NCAPD3: variants seen among roughly 807,000 people sequenced by gnomAD.
The protein encoded by NCAPD3 is non-SMC condensin II complex subunit D3.
NCAPD3 carries 105 observed loss-of-function variants against 182.9 expected under a neutral mutation model. The observed-to-expected ratio is 0.57, with a 90% CI of 0.49 to 0.68. The LOEUF is 0.68. Ranked by LOEUF, NCAPD3 falls within the 30% of genes least tolerant of loss-of-function variation. NCAPD3 has a pLI of 0.00. For missense variants in NCAPD3, 1,944 were observed against 1,837.0 expected, an observed-to-expected ratio of 1.06 and a Z score of -1.07; for synonymous variants, 815 against 679.9, an observed-to-expected ratio of 1.20 and a Z score of -3.09.
intron 24 of NCAPD3, among the ~76,000 whole-genome samples, chr11:134,172,918 A>G (rs548541416): frequency 1.4e-5 from 2 of 139,728 alleles, no homozygotes; most frequent in Admixed American, 1.6e-4. Context: ...CATGAACTTG[A>G]TTGAGCCCTG....
At chr11:134,168,308 G>C (rs1943918991) in intron 26 of NCAPD3, 113 bp from the exon 27 acceptor site, 4 of 1,443,496 alleles carry the variant, frequency 2.8e-6, no homozygotes, top group East Asian at 2.3e-5. Flanking sequence ...GGGTCTGCAA[G>C]GGTGTTTTGT....
Position 134,192,710 on chromosome 11 carries a change from G to T in NCAPD3, c.2024C>A (p.Thr675Asn). ...CTACCTCAGTTCCTGGCTTTCGGTG[G>T]TGAGGAGAGTAAGAAGCGCCCAGGC... ...VLAWALLTLL[T>N]TESQELSRYL... is the part of the protein sequence containing the mutation. Residue 675 changes from threonine to asparagine, a missense_variant, in exon 16 of 35, where the codon ACC (threonine) becomes AAC (asparagine). This residue lies in a region of NCAPD3 where 1,803 missense variants were observed against 1,674.6 expected (regional missense o/e 1.08). Coordinates refer to ENST00000534548, the MANE Select transcript of NCAPD3 (RefSeq NM_015261.3). 2 of 1,614,176 alleles carry T rather than the reference G, an allele frequency of 1.2e-6. No individual in the cohort carries two copies. Among genetic ancestry groups the T allele is most frequent in the Non-Finnish European group, 1.7e-6 (2 of 1,179,976 alleles).
intron 32 of NCAPD3, chr11:134,153,585 G>A (rs1591816063): frequency 3.4e-6 from 2 of 581,826 alleles, no homozygotes; most frequent in Non-Finnish European, 6.1e-6. Context: ...GCAGCCCTCA[G>A]GCACTCGGCT....
chr11:134,168,986 A>G lies in NCAPD3; in HGVS notation c.3170T>C (p.Ile1057Thr). The G allele has an allele frequency of 6.2e-7, 1 of 1,614,008 alleles. No homozygotes were observed. Among genetic ancestry groups the G allele is most frequent in the South Asian group, 1.1e-5 (1 of 91,068 alleles). The change falls in exon 25 of 35, where the codon ATT becomes ACT. Residue 1057 changes from isoleucine (I) to threonine (T), a missense_variant. Around this residue, in one of 3 missense-constraint regions of NCAPD3, gnomAD observed 1,803 missense variants for 1,674.6 expected, o/e 1.08. Coordinates refer to ENST00000534548, the MANE Select transcript of NCAPD3 (RefSeq NM_015261.3). ...GTTATTAAAGTGAAAAATACATTCA[A>G]TGAAGTGTTGGAAGAACATGACAGG... The part of the protein sequence containing the change: ...RNPVMFFQHF[I>T]ECIFHFNNYE...
chr11:134,173,777 G>C (rs1036119000), intron 24 of NCAPD3: 1 of 152,284 alleles, frequency 6.6e-6, no homozygotes, highest in African/African-American at 2.4e-5. Context: ...GGGGACTACA[G>C]GCTGGGCTCA....
intron 31 of NCAPD3, among the ~76,000 whole-genome samples, 155 bp downstream of exon 31, chr11:134,157,773 G>A (rs931193888): frequency 6.6e-6 from 1 of 152,192 alleles, no homozygotes; most frequent in Non-Finnish European, 1.5e-5. Flanking sequence ...GAATAAATAT[G>A]CATTGTTTTA....
In NCAPD3 at chr11:134,154,912, G is replaced by A. The variant is rs183954100; in HGVS notation, c.4253-1549C>T. Among the ~76,000 whole-genome samples, 7 of 152,292 alleles carry A rather than the reference G, an allele frequency of 4.6e-5. No individual in the cohort carries two copies. In the East Asian group the frequency reaches 1.4e-3, roughly 29 times the overall value. On this transcript the variant is annotated intron_variant, in intron 32 of 34. Coordinates refer to ENST00000534548, the MANE Select transcript of NCAPD3 (RefSeq NM_015261.3). ...AGAATTCCTCATCACTGCTAGATCT[G>A]CTTATTCTGTTTCGGTGAAGTCTCT...
chr11:134,200,848 C>T (rs1175838541), intron 13 of NCAPD3, among the ~76,000 whole-genome samples: 1 of 152,108 alleles, frequency 6.6e-6, no homozygotes, highest in Non-Finnish European at 1.5e-5. Flanking sequence ...CTGATGAATG[C>T]ATAAACAAAA....
chr11:134,224,175 G>T (rs944532367), upstream of NCAPD3: 3 of 590,248 alleles, frequency 5.1e-6, no homozygotes, highest in African/African-American at 3.8e-5. Context: ...CGTTCGAGAA[G>T]GAGCCAGGGC....
Position 134,157,069 on chromosome 11 carries a change from A to C in NCAPD3, c.4201T>G (p.Ser1401Ala), listed in dbSNP as rs1230560074. The C allele has an allele frequency of 1.1e-5, 17 of 1,613,186 alleles. No individual in the cohort carries two copies. Among genetic ancestry groups the C allele is most frequent in the Non-Finnish European group, 1.4e-5 (17 of 1,179,642 alleles). Residue 1401 changes from serine to alanine, a missense_variant, in exon 32 of 35, where the codon TCG becomes GCG. This residue lies in a region of NCAPD3 where 1,803 missense variants were observed against 1,674.6 expected (regional missense o/e 1.08). Coordinates refer to ENST00000534548, the MANE Select transcript of NCAPD3 (RefSeq NM_015261.3). Reference protein sequence around the residue: ...QVSSYSLEQESNGEIEHVTKR... With the variant: ...QVSSYSLEQEANGEIEHVTKR... ...GTCACGTGCTCAATCTCGCCATTCGACTCTTGCTCCAAACTGTATGAAGAC... is the reference window on the plus strand; with the variant it reads ...GTCACGTGCTCAATCTCGCCATTCGCCTCTTGCTCCAAACTGTATGAAGAC...
intron 22 of NCAPD3, chr11:134,177,773 C>A: frequency 2.9e-6 from 1 of 342,728 alleles, no homozygotes; most frequent in Non-Finnish European, 5.4e-6. Context: ...ATCAGCAAAG[C>A]CTGAGAGGTG....
chr11:134,160,100 T>C (rs1473501337), intron 28 of NCAPD3, 26 bp from the exon 29 acceptor site: 1 of 1,607,754 alleles, frequency 6.2e-7, no homozygotes, highest in South Asian at 1.1e-5. Flanking sequence ...GAGCATCCTT[T>C]CATGTTTTCT....
In NCAPD3 at chr11:134,179,050, T is replaced by G. The variant is rs566005061; in HGVS notation, c.2560-114A>C. The G allele has an allele frequency of 7.2e-5, 51 of 707,872 alleles. No individual in the cohort carries two copies. The African/African-American group carries it at 8.7e-4, about 12-fold the overall frequency. 43.8% of individuals were successfully genotyped at this position (707,872 alleles called of 1,614,324 possible). A position where few individuals can be genotyped will look rare whatever the true frequency, so the allele number is the denominator to read the frequency against. ...TTTATCCCCCAAATTTAAAACAATGTTACTAGTTTTCGTTTCATAAAAATA... is the reference window on the plus strand; with the variant it reads ...TTTATCCCCCAAATTTAAAACAATGGTACTAGTTTTCGTTTCATAAAAATA... On this transcript the variant is annotated intron_variant, in intron 20 of 34. Transcript: ENST00000534548.
chr11:134,208,071 G>A (rs1291744785), intron 7 of NCAPD3, among the ~76,000 whole-genome samples: 6 of 152,142 alleles, frequency 3.9e-5, no homozygotes, highest in Admixed American at 3.9e-4. Flanking sequence ...CAGGGTGAAT[G>A]GCTCATTCAA....
chr11:134,192,055 C>T (rs1189355975), intron 16 of NCAPD3, among the ~76,000 whole-genome samples: 2 of 152,146 alleles, frequency 1.3e-5, no homozygotes, highest in East Asian at 3.8e-4. Flanking sequence ...GGATGCTCAA[C>T]CTGTACTGAG....
chr11:134,212,434 C>T (rs984544305), intron 3 of NCAPD3, among the ~76,000 whole-genome samples: 6 of 146,994 alleles, frequency 4.1e-5, no homozygotes, highest in Non-Finnish European at 8.9e-5. Context: ...GGATCTGTTG[C>T]CCAGGCTGAA....
intron 27 of NCAPD3, among the ~76,000 whole-genome samples, chr11:134,167,791 G>A (rs1943896215): frequency 7.7e-6 from 1 of 129,926 alleles, no homozygotes; most frequent in Admixed American, 8.4e-5. Context: ...TGGGGGAGGT[G>A]CACACTCGTG....
chr11:134,225,456 C>T, upstream of NCAPD3: 1 of 1,066,066 alleles, frequency 9.4e-7, no homozygotes, highest in East Asian at 2.6e-5. Flanking sequence ...TTGTCAACTG[C>T]AGTCTGAGGC....
At chr11:134,182,869 G>A (rs1944326997) in intron 19 of NCAPD3, 1 of 284,270 alleles carries the variant, frequency 3.5e-6, no homozygotes, top group African/African-American at 2.2e-5. Context: ...CACATGGATT[G>A]AAAATATCCT....
Sources: gnomAD v4.1 joint callset for allele counts (sites outside exome capture counted in the v4.1 genomes callset) on GRCh38, gnomAD v4.1.1 for gene constraint, gnomAD v4.1.1 regional missense constraint, MANE v1.5 for transcripts, NCBI Gene and HGNC (gene_info 2026-07-23, HGNC 2026-07-21) for gene names.